FILIP1L: variants seen among roughly 807,000 people sequenced by gnomAD.
FILIP1L encodes filamin A interacting protein 1 like, also known as filamin A-interacting protein 1-like.
A neutral mutation model predicts 96.6 loss-of-function variants in FILIP1L; 55 were observed. The observed-to-expected ratio is 0.57, with a 90% confidence interval of 0.46 to 0.71. The LOEUF (loss-of-function observed/expected upper bound fraction) is 0.71, where lower values mean the gene tolerates loss of function less well. FILIP1L is among the 30% of genes least tolerant of loss of function. The probability of loss-of-function intolerance (pLI) is 0.00; values close to 1 mark genes in which losing one functional copy is unlikely to be tolerated. For missense variants in FILIP1L, 1,304 were observed against 1,321.2 expected, an observed-to-expected ratio of 0.99 and a Z score of 0.20; for synonymous variants, 467 against 473.9, an observed-to-expected ratio of 0.99 and a Z score of 0.19.
At chr3:100,001,198 A>T (rs1038882201) in intron 1 of FILIP1L, among the ~76,000 whole-genome samples, 1 of 152,204 alleles carries the variant, frequency 6.6e-6, no homozygotes, top group Admixed American at 6.5e-5. Context: ...ACTTTGTCTC[A>T]GTTCACCTAT....
intron 1 of FILIP1L, among the ~76,000 whole-genome samples, chr3:100,092,593 A>G (rs2066129538): frequency 6.7e-6 from 1 of 150,200 alleles, no homozygotes; most frequent in East Asian, 1.9e-4. Context: ...TTGGAAGGCC[A>G]CTAGTTATGA....
At chr3:100,022,142 G>T (rs2064837500) in intron 1 of FILIP1L, among the ~76,000 whole-genome samples, 1 of 152,154 alleles carries the variant, frequency 6.6e-6, no homozygotes, top group African/African-American at 2.4e-5. Context: ...CCTTGGAAAA[G>T]AAATGATATT....
chr3:99,998,865 G>A (rs374270674), intron 1 of FILIP1L, among the ~76,000 whole-genome samples: 2 of 152,084 alleles, frequency 1.3e-5, no homozygotes, highest in East Asian at 1.9e-4. Flanking sequence ...CACCGCGCCC[G>A]GCCATGGTTC....
At chr3:99,848,199 A>G in intron 5 of FILIP1L, 96 bp downstream of exon 5, 1 of 1,564,002 alleles carries the variant, frequency 6.4e-7, no homozygotes, top group Non-Finnish European at 8.7e-7. Flanking sequence ...GTCTTGGGGG[A>G]TATGGAGGGA....
intron 1 of FILIP1L, among the ~76,000 whole-genome samples, chr3:100,018,621 A>G (rs903849743): frequency 2.0e-5 from 3 of 152,104 alleles, no homozygotes; most frequent in Non-Finnish European, 4.4e-5. Flanking sequence ...ACAAAAAAAA[A>G]TGCTTCTTGA....
intron 1 of FILIP1L, among the ~76,000 whole-genome samples, chr3:99,955,561 T>TA (rs1275716311): frequency 6.6e-6 from 1 of 152,092 alleles, no homozygotes; most frequent in Non-Finnish European, 1.5e-5. Flanking sequence ...TCTAACAAGA[T>TA]ATACAGCCAA....
At chr3:100,009,175 A>G (rs1048465314) in intron 1 of FILIP1L, among the ~76,000 whole-genome samples, 3 of 152,206 alleles carry the variant, frequency 2.0e-5, no homozygotes, top group Admixed American at 1.3e-4. Context: ...GGCCTGTTTC[A>G]ATTTGATCAC....
chr3:99,834,041 A>G (rs1439516372), intron 5 of FILIP1L, among the ~76,000 whole-genome samples: 1 of 152,232 alleles, frequency 6.6e-6, no homozygotes, highest in Non-Finnish European at 1.5e-5. Flanking sequence ...ATATTGTTTG[A>G]CAAATCACTG....
chr3:99,968,887 A>G (rs1042225645), intron 1 of FILIP1L, among the ~76,000 whole-genome samples: 8 of 151,980 alleles, frequency 5.3e-5, no homozygotes, highest in African/African-American at 1.9e-4. Context: ...GTTAGCACAA[A>G]CCTCTCTTTC....
rs750004088 is a variant in FILIP1L, at chr3:99,848,383, C to T, written c.3293G>A (p.Gly1098Glu). ...QDNRTQGLIN[G>E]ALNKTTNKVT... ...TTTATTGGTTGTTTTGTTTAGTGCC[C>T]CGTTAATTAAGCCTTGAGTTCGGTT... The change falls in exon 5 of 6, where the codon GGG (glycine) becomes GAG (glutamate). Residue 1098 changes from glycine to glutamate, a missense_variant. Gly to Glu is a moderately conservative substitution (Grantham distance 98). Transcript: ENST00000477258. 2 of 1,613,932 alleles carry T rather than the reference C, an allele frequency of 1.2e-6. No individual in the cohort carries two copies. Among genetic ancestry groups the T allele is most frequent in the African/African-American group, 2.7e-5 (2 of 74,878 alleles).
intron 1 of FILIP1L, among the ~76,000 whole-genome samples, chr3:99,998,492 G>A (rs539901929): frequency 6.6e-6 from 1 of 152,288 alleles, no homozygotes; most frequent in Non-Finnish European, 1.5e-5. Context: ...ATTTGGTAAA[G>A]GGAAGTAGGG....
intron 4 of FILIP1L, among the ~76,000 whole-genome samples, chr3:99,912,057 A>G (rs1706806682): frequency 6.6e-6 from 1 of 152,150 alleles, no homozygotes; most frequent in Non-Finnish European, 1.5e-5. Context: ...ACTTTATCTC[A>G]TGAGAAATCT....
Position 100,113,816 on chromosome 3 carries a change from T to TATC in FILIP1L, c.-11+234_-11+236dup, listed in dbSNP as rs139584346. On this transcript the variant is annotated intron_variant, in intron 1 of 5. Coordinates refer to ENST00000477258, the MANE Select transcript of FILIP1L (RefSeq NM_001387850.1). ...TTTCATTTTGGTTTTCTTTCATGTG[T>TATC]ATCACTATAGTAAAACTTACCTACT... Among the ~76,000 whole-genome samples, 83 of 152,366 alleles carry TATC rather than the reference T, an allele frequency of 5.4e-4. 1 individual carries two copies. The East Asian group carries it at 0.014, about 25-fold the overall frequency.
intron 1 of FILIP1L, among the ~76,000 whole-genome samples, chr3:99,978,699 A>G (rs1010684716): frequency 5.9e-5 from 9 of 152,210 alleles, no homozygotes; most frequent in African/African-American, 1.9e-4. Context: ...GATCAATACC[A>G]GCCTGGCTAA....
At chr3:100,039,293 C>T (rs1199937302) in intron 1 of FILIP1L, among the ~76,000 whole-genome samples, 1 of 152,132 alleles carries the variant, frequency 6.6e-6, no homozygotes, top group Non-Finnish European at 1.5e-5. Flanking sequence ...TTCTTGATCA[C>T]AGTAGTACAG....
intron 4 of FILIP1L, among the ~76,000 whole-genome samples, chr3:99,923,610 C>T (rs899128622): frequency 2.0e-5 from 3 of 152,196 alleles, no homozygotes; most frequent in African/African-American, 7.2e-5. Context: ...CACATCCCCT[C>T]ATCTTTCTCA....
At chr3:99,881,230 C>T (rs571685450) in intron 4 of FILIP1L, among the ~76,000 whole-genome samples, 11 of 152,196 alleles carry the variant, frequency 7.2e-5, no homozygotes, top group South Asian at 2.1e-4. Context: ...GGTAATGTGA[C>T]GCCACTGTAA....
intron 4 of FILIP1L, among the ~76,000 whole-genome samples, chr3:99,881,674 A>G (rs1705734221): frequency 1.3e-5 from 2 of 152,044 alleles, no homozygotes; most frequent in South Asian, 4.1e-4. Context: ...CTGGGATTAT[A>G]CATGTGTGCT....
chr3:99,929,843 T>C lies in FILIP1L; in HGVS notation c.426+13A>G. ...GCTGCCTCCCAGGTACACACCCCTATTGTGGTACATACCTCATTCATTGGT... is the reference window on the plus strand; with the variant it reads ...GCTGCCTCCCAGGTACACACCCCTACTGTGGTACATACCTCATTCATTGGT... On this transcript the variant is annotated intron_variant, in intron 3 of 5. Transcript: ENST00000477258. The C allele has an allele frequency of 3.1e-6, 5 of 1,602,776 alleles. No individual in the cohort carries two copies. Among genetic ancestry groups the C allele is most frequent in the African/African-American group, 2.7e-5 (2 of 74,640 alleles).
Sources: allele counts gnomAD v4.1 joint callset (sites outside exome capture counted in the v4.1 genomes callset), GRCh38; gene constraint gnomAD v4.1.1; transcripts MANE v1.5; gene names NCBI Gene and HGNC (gene_info 2026-07-23, HGNC 2026-07-21).